INTS6L: variants seen among roughly 807,000 people sequenced by gnomAD.
The protein encoded by INTS6L is integrator complex subunit 6 like.
Under a neutral mutation model 64.7 loss-of-function variants are expected in INTS6L, and 18 were observed. The ratio of observed to expected loss-of-function variants is 0.28; its 90% CI spans 0.19 to 0.41. The LOEUF is 0.41. INTS6L is among the 10% of genes least tolerant of loss of function. The pLI is 1.00. For synonymous variants in INTS6L, 227 were observed against 235.9 expected, an observed-to-expected ratio of 0.96 and a Z score of 0.34; for missense variants, 533 against 661.0, an observed-to-expected ratio of 0.81 and a Z score of 2.12.
At chrX:135,574,756 A>G (rs1235860489) in intron 13 of INTS6L, among the ~76,000 whole-genome samples, 1 of 112,072 alleles carries the variant, frequency 8.9e-6, no homozygotes, top group African/African-American at 3.2e-5. Context: ...AGTGAATGCC[A>G]TAGAGACTAG....
At chrX:135,560,316 C>T (rs2086754079) in intron 9 of INTS6L, among the ~76,000 whole-genome samples, 1 of 111,671 alleles carries the variant, frequency 9.0e-6, no homozygotes, top group Admixed American at 9.5e-5. Flanking sequence ...TTTGTAGATT[C>T]CCTGGAATTT....
At position 135,552,098 on chromosome X, in the gene INTS6L, C is replaced by G. The variant is rs782541619; in HGVS notation, c.1011C>G (p.Pro337=). The G allele has an allele frequency of 3.7e-5, 44 of 1,204,717 alleles. No homozygotes were observed. The highest frequency in any genetic ancestry group is 4.7e-5 in the Non-Finnish European group (42 of 893,656). The change falls in exon 8 of 18, where the codon CCC becomes CCG. Residue 337 remains proline (P), a synonymous_variant. Coordinates refer to ENST00000639893, the MANE Select transcript of INTS6L (RefSeq NM_001351601.3). ...PFDKYELEPS[P]LTQYILERKS... The stretch of plus-strand genomic sequence containing the variant: ...ACAAATATGAACTTGAACCTTCGCC[C>G]TTAACTCAGTATATCTTGGAACGAA...
At chrX:135,547,419 A>G (rs2086385172) in intron 6 of INTS6L, among the ~76,000 whole-genome samples, 154 bp downstream of exon 6, 1 of 112,239 alleles carries the variant, frequency 8.9e-6, no homozygotes, top group Non-Finnish European at 1.9e-5. Context: ...CTGCCTATGT[A>G]TATGTATCAG....
chrX:135,524,451 T>TG (rs2085675480), intron 2 of INTS6L, among the ~76,000 whole-genome samples: 2 of 90,301 alleles, frequency 2.2e-5, no homozygotes. Flanking sequence ...AATATGAGTG[T>TG]TTTTTTTTTT....
intron 2 of INTS6L, among the ~76,000 whole-genome samples, chrX:135,536,688 T>A (rs2086063344): frequency 9.0e-6 from 1 of 111,313 alleles, no homozygotes; most frequent in Non-Finnish European, 1.9e-5. Context: ...TCAATGAAAA[T>A]TAATGAATCG....
At chrX:135,524,186 C>G in intron 2 of INTS6L, among the ~76,000 whole-genome samples, 1 of 111,901 alleles carries the variant, frequency 8.9e-6, no homozygotes, top group Non-Finnish European at 1.9e-5. Flanking sequence ...TAGGATCTAA[C>G]CAGCTTGGAA....
intron 15 of INTS6L, among the ~76,000 whole-genome samples, 154 bp from the exon 16 acceptor site, chrX:135,579,634 T>C (rs782312272): frequency 8.9e-6 from 1 of 112,060 alleles, no homozygotes; most frequent in Non-Finnish European, 1.9e-5. Flanking sequence ...GTATTATGTG[T>C]CCTGGCCTCA....
At chrX:135,564,872 C>T (rs1184697554) in intron 9 of INTS6L, among the ~76,000 whole-genome samples, 3 of 111,565 alleles carry the variant, frequency 2.7e-5, no homozygotes, top group Non-Finnish European at 5.7e-5. Context: ...CTCTCACACC[C>T]CTCTTGGAGA....
At chrX:135,563,607 G>A (rs868951979) in intron 9 of INTS6L, among the ~76,000 whole-genome samples, 1 of 77,044 alleles carries the variant, frequency 1.3e-5, no homozygotes, top group African/African-American at 5.6e-5. Flanking sequence ...ATATACATAT[G>A]TATATATCCA....
At chrX:135,533,994 A>T (rs1408050414) in intron 2 of INTS6L, among the ~76,000 whole-genome samples, 1 of 110,685 alleles carries the variant, frequency 9.0e-6, no homozygotes, top group Non-Finnish European at 1.9e-5. Flanking sequence ...AGTGCAATTG[A>T]CTTTTGGAGG....
intron 9 of INTS6L, among the ~76,000 whole-genome samples, chrX:135,561,610 T>C (rs1556522272): frequency 1.8e-5 from 2 of 112,669 alleles, no homozygotes; most frequent in Non-Finnish European, 1.9e-5. Context: ...TGGTATTAAT[T>C]ATTCTGTAAA....
chrX:135,522,844 C>A (rs1387136665), intron 2 of INTS6L, among the ~76,000 whole-genome samples: 1 of 112,372 alleles, frequency 8.9e-6, no homozygotes, highest in Admixed American at 9.4e-5. Flanking sequence ...AAAAGTGGAA[C>A]AAGTAGACAT....
At chrX:135,539,926 A>C (rs1382789896) in intron 2 of INTS6L, among the ~76,000 whole-genome samples, 1 of 111,703 alleles carries the variant, frequency 9.0e-6, no homozygotes, top group East Asian at 2.8e-4. Context: ...TACAATAGTA[A>C]CATCAAAGCT....
chrX:135,546,363 T>G lies in INTS6L; in HGVS notation c.340-17T>G. 9.5e-7 allele frequency: 1 copy of G among 1,057,672 alleles called. No homozygotes were observed. The highest frequency in any genetic ancestry group is 2.4e-5 in the South Asian group (1 of 42,464). 87.2% of individuals were successfully genotyped at this position (1,057,672 alleles called of 1,213,427 possible). A position where few individuals can be genotyped will look rare whatever the true frequency, so the allele number is the denominator to read the frequency against. On this transcript the variant is annotated splice_polypyrimidine_tract_variant and intron_variant, in intron 3 of 17. Transcript: ENST00000639893. ...TATTACTTTACATGGCTCTAATGCTTTTTAAATGTATTTTAGGGGAGAAAT... is the reference window on the plus strand; with the variant it reads ...TATTACTTTACATGGCTCTAATGCTGTTTAAATGTATTTTAGGGGAGAAAT...
At chrX:135,557,690 T>A (rs1193948219) in intron 9 of INTS6L, among the ~76,000 whole-genome samples, 1 of 112,006 alleles carries the variant, frequency 8.9e-6, no homozygotes, top group Non-Finnish European at 1.9e-5. Context: ...ACTTACACAC[T>A]TTTTATTTTG....
intron 8 of INTS6L, among the ~76,000 whole-genome samples, chrX:135,554,080 C>G (rs2086578224): frequency 8.9e-6 from 1 of 111,942 alleles, no homozygotes; most frequent in East Asian, 2.8e-4. Flanking sequence ...GAGCCTAACC[C>G]TAGCTCTGTC....
intron 14 of INTS6L, 84 bp downstream of exon 14, chrX:135,575,310 C>A: frequency 9.4e-7 from 1 of 1,058,932 alleles, no homozygotes; most frequent in South Asian, 2.4e-5. Context: ...AAATACAAAT[C>A]AGAGGTTCTT....
intron 2 of INTS6L, 140 bp downstream of exon 2, chrX:135,521,458 A>G: frequency 1.8e-6 from 1 of 558,390 alleles, no homozygotes; most frequent in Non-Finnish European, 2.7e-6. Flanking sequence ...GGGCGGGCGG[A>G]GTGGTGCCGT....
intron 9 of INTS6L, among the ~76,000 whole-genome samples, chrX:135,566,955 A>G (rs2086967972): frequency 8.9e-6 from 1 of 112,190 alleles, no homozygotes; most frequent in Admixed American, 9.4e-5. Context: ...TAGAAGCAGG[A>G]TACTTTGATG....
Sources: allele counts gnomAD v4.1 joint callset (sites outside exome capture counted in the v4.1 genomes callset), GRCh38; gene constraint gnomAD v4.1.1; transcripts MANE v1.5; gene names NCBI Gene and HGNC (gene_info 2026-07-23, HGNC 2026-07-21).